SEC23A: variants seen among roughly 807,000 people sequenced by gnomAD.
SEC23A encodes protein transport protein Sec23A.
In SEC23A, 56 loss-of-function variants were observed where a neutral mutation model predicts 103.7. That is an observed-to-expected ratio of 0.54 (90% CI 0.44 to 0.67). SEC23A has a LOEUF of 0.67. Ranked by LOEUF, SEC23A falls within the 30% of genes least tolerant of loss-of-function variation. SEC23A has a pLI of 0.00. For synonymous variants in SEC23A, 281 were observed against 293.0 expected, an observed-to-expected ratio of 0.96 and a Z score of 0.42; for missense variants, 784 against 936.4, an observed-to-expected ratio of 0.84 and a Z score of 2.12.
rs747289831 is a variant in SEC23A at position 39,093,186 on chromosome 14, C to T, written c.279+1G>A. The T allele has an allele frequency of 1.2e-6, 2 of 1,611,098 alleles. No individual in the cohort carries two copies. The highest frequency in any genetic ancestry group is 4.5e-5 in the East Asian group (2 of 44,732). Reference sequence around the variant, plus strand: ...CCGGCATGCAATGGATGTTTTCTTACCTGATTCCTTTGGTAACAAAAGTTG... The same window carrying T: ...CCGGCATGCAATGGATGTTTTCTTATCTGATTCCTTTGGTAACAAAAGTTG... On this transcript the variant is annotated splice_donor_variant, in intron 3 of 19. Coordinates refer to ENST00000307712, the MANE Select transcript of SEC23A (RefSeq NM_006364.4). LOFTEE classifies it high-confidence loss of function.
At position 39,092,589 on chromosome 14, in the gene SEC23A, C is replaced by T. The variant is rs764747538; in HGVS notation, c.318G>A (p.Gln106=). ...AAAACTGAGGTAAAAGTTCAGCAGG[C>T]TGATTCAGTTCAGATATACCAGCAT... is the stretch of plus-strand genomic sequence containing the variant. ...PSYAGISELN[Q]PAELLPQFSS... Residue 106 remains glutamine (Q), a synonymous_variant, in exon 4 of 20, where the codon CAG becomes CAA. Coordinates refer to ENST00000307712, the MANE Select transcript of SEC23A (RefSeq NM_006364.4). The T allele has an allele frequency of 1.9e-6, 3 of 1,611,874 alleles. No individual in the cohort carries two copies. Among genetic ancestry groups the T allele is most frequent in the African/African-American group, 2.7e-5 (2 of 74,868 alleles).
rs554973547 is a variant in SEC23A, at chr14:39,069,233, C to A, written c.1104-1937G>T. 2.0e-5 allele frequency among the ~76,000 whole-genome samples: 3 copies of A among 152,280 alleles called. No homozygotes were observed. The South Asian group carries it at 6.2e-4, about 32-fold the overall frequency. On this transcript the variant is annotated intron_variant, in intron 9 of 19. Coordinates refer to ENST00000307712, the MANE Select transcript of SEC23A (RefSeq NM_006364.4). ...CTACCATCACTTGGTATTCTTACAT[C>A]CCTATACTCTACAAATGACAAATGA...
In SEC23A at chr14:39,032,139, A is replaced by T. The variant is rs1885326626; in HGVS notation, c.*1100T>A. 1 of 152,634 alleles carries T rather than the reference A, an allele frequency of 6.6e-6. No individual in the cohort carries two copies. Among genetic ancestry groups the T allele is most frequent in the Non-Finnish European group, 1.5e-5 (1 of 68,018 alleles). The allele number at this position is 152,634 out of a possible 1,614,324, so 9.5% of individuals were successfully genotyped here. ...CACCACCTTTTATTTGCAGTACTTG[A>T]TATGTAAATTTCATTGTCAAAACAT... is the stretch of plus-strand genomic sequence containing the variant. On this transcript the variant is annotated 3_prime_UTR_variant, in exon 20 of 20. Coordinates refer to ENST00000307712, the MANE Select transcript of SEC23A (RefSeq NM_006364.4).
chr14:39,060,703 G>A (rs930368522), intron 13 of SEC23A, among the ~76,000 whole-genome samples: 2 of 152,040 alleles, frequency 1.3e-5, no homozygotes, highest in African/African-American at 4.8e-5. Context: ...TAATTTATTC[G>A]TAATTCTTAA....
chr14:39,057,705 C>A (rs766722346), intron 13 of SEC23A, among the ~76,000 whole-genome samples: 3 of 152,152 alleles, frequency 2.0e-5, no homozygotes, highest in African/African-American at 7.2e-5. Context: ...ATAGGATATA[C>A]GTGTGCCCAC....
At chr14:39,055,956 C>A (rs887864497) in intron 13 of SEC23A, among the ~76,000 whole-genome samples, 1 of 152,172 alleles carries the variant, frequency 6.6e-6, no homozygotes, top group Non-Finnish European at 1.5e-5. Context: ...ACCATCTAGG[C>A]GCTATAGCGA....
intron 1 of SEC23A, among the ~76,000 whole-genome samples, chr14:39,097,794 A>G (rs763967609): frequency 2.3e-4 from 35 of 152,144 alleles, no homozygotes; most frequent in Non-Finnish European, 4.7e-4. Context: ...TTTAGAAAAG[A>G]CTATTTTGGG....
intron 13 of SEC23A, among the ~76,000 whole-genome samples, chr14:39,058,641 A>C (rs1886337562): frequency 6.6e-6 from 1 of 152,218 alleles, no homozygotes; most frequent in Non-Finnish European, 1.5e-5. Context: ...TTCAATAAGC[A>C]AAATAATTAT....
At chr14:39,078,816 G>GA (rs1264481796) in intron 7 of SEC23A, among the ~76,000 whole-genome samples, 1 of 151,306 alleles carries the variant, frequency 6.6e-6, no homozygotes, top group South Asian at 2.1e-4. Flanking sequence ...AAGATATGAG[G>GA]AAAAAAATAA....
chr14:39,099,603 C>T (rs1172907106), intron 1 of SEC23A, among the ~76,000 whole-genome samples: 1 of 152,112 alleles, frequency 6.6e-6, no homozygotes, highest in East Asian at 1.9e-4. Context: ...AGAAGATATA[C>T]ATTACTCAGT....
intron 12 of SEC23A, among the ~76,000 whole-genome samples, chr14:39,062,228 A>C (rs548683691): frequency 6.6e-6 from 1 of 152,324 alleles, no homozygotes; most frequent in East Asian, 1.9e-4. Flanking sequence ...AATATCCCTT[A>C]TCCAAAATGC....
chr14:39,054,937 A>C (rs891680699), intron 14 of SEC23A, among the ~76,000 whole-genome samples: 1 of 152,222 alleles, frequency 6.6e-6, no homozygotes, highest in African/African-American at 2.4e-5. Flanking sequence ...CTTACATTTT[A>C]AGGAAAAAAG....
chr14:39,098,749 G>A lies in SEC23A; in HGVS notation c.-21-2610C>T, dbSNP rs1173357775. ...AGATCATGCCACTGCACTCTAGCCT[G>A]GGCGACAGAGTGAGACTCCTTCTCA... is the stretch of plus-strand genomic sequence containing the variant. On this transcript the variant is annotated intron_variant, in intron 1 of 19. Coordinates refer to ENST00000307712, the MANE Select transcript of SEC23A (RefSeq NM_006364.4). Among the ~76,000 whole-genome samples, 16 of 151,428 alleles carry A rather than the reference G, an allele frequency of 1.1e-4. 1 individual carries two copies. Among genetic ancestry groups the A allele is most frequent in the Non-Finnish European group, 2.1e-4 (14 of 67,926 alleles).
At chr14:39,083,784 C>T (rs1270078615) in intron 7 of SEC23A, among the ~76,000 whole-genome samples, 4 of 151,708 alleles carry the variant, frequency 2.6e-5, no homozygotes, top group Admixed American at 6.6e-5. Context: ...AGGCTGGTCT[C>T]GAACTCCTGA....
In SEC23A at chr14:39,045,339, C is replaced by T. The variant is rs776504661; in HGVS notation, c.1738-15G>A. The T allele has an allele frequency of 1.7e-5, 27 of 1,586,820 alleles. No individual in the cohort carries two copies. The highest frequency in any genetic ancestry group is 1.7e-4 in the Middle Eastern group (1 of 6,018). ...TGAAACATAAACTGTAAGATAAACA[C>T]GTAAGATAGTTGTTACTGATTTTAA... On this transcript the variant is annotated splice_polypyrimidine_tract_variant and intron_variant, in intron 15 of 19. Transcript: ENST00000307712.
chr14:39,082,133 G>A (rs559179113), intron 7 of SEC23A, among the ~76,000 whole-genome samples: 2 of 151,986 alleles, frequency 1.3e-5, no homozygotes, highest in African/African-American at 2.4e-5. Context: ...TAGCCAAATC[G>A]GGGAAAACTT....
chr14:39,098,686 A>G (rs1887977453), intron 1 of SEC23A, among the ~76,000 whole-genome samples: 1 of 151,894 alleles, frequency 6.6e-6, no homozygotes, highest in Admixed American at 6.6e-5. Context: ...AGGCAGGAGA[A>G]TCACTTGAAC....
intron 10 of SEC23A, 30 bp from the exon 11 acceptor site, chr14:39,065,023 T>C (rs1886610476): frequency 7.1e-7 from 1 of 1,405,528 alleles, no homozygotes; most frequent in Non-Finnish European, 1.0e-6. Flanking sequence ...CATGTTCGGT[T>C]TCCTCAAAGA....
intron 19 of SEC23A, among the ~76,000 whole-genome samples, chr14:39,038,742 C>A (rs749026504): frequency 8.5e-5 from 13 of 152,184 alleles, no homozygotes; most frequent in Non-Finnish European, 1.6e-4. Flanking sequence ...TTATCGTGGC[C>A]TTTTGTGGTT....
Sources: allele counts gnomAD v4.1 joint callset (sites outside exome capture counted in the v4.1 genomes callset), GRCh38; gene constraint gnomAD v4.1.1; transcripts MANE v1.5; gene names NCBI Gene and HGNC (gene_info 2026-07-23, HGNC 2026-07-21).